The following FAM20A variants were observed in gnomAD, a reference collection of about 807,000 sequenced individuals.
FAM20A encodes the protein pseudokinase FAM20A.
FAM20A carries 42 observed loss-of-function variants against 52.0 expected under a neutral mutation model. The observed-to-expected ratio is 0.81, with a 90% CI of 0.63 to 1.04. FAM20A has a LOEUF of 1.04. Among genes scored for constraint, FAM20A ranks in the 50% least tolerant of loss-of-function variants. FAM20A has a pLI of 0.00. For missense variants in FAM20A, 742 were observed against 712.7 expected (o/e 1.04, Z -0.47); for synonymous variants, 304 against 298.9 (o/e 1.02, Z -0.18).
chr17:68,581,382 C>CT (rs778471317), intron 1 of FAM20A, among the ~76,000 whole-genome samples: 1 of 143,768 alleles, frequency 7.0e-6, no homozygotes, highest in African/African-American at 2.7e-5. Context: ...TTCTTTCTTT[C>CT]TTTCTTTCTT....
rs770972425 is a variant in FAM20A at position 68,548,192 on chromosome 17, G to A, written c.719+3681C>T. On this transcript the variant is annotated intron_variant, in intron 4 of 10. Coordinates refer to ENST00000592554, the MANE Select transcript of FAM20A (RefSeq NM_017565.4). ...GGCAATCACTTGAGGCCAGGAGATC[G>A]AGACCAGCCTGGCCAACACAGTGAA... Among the ~76,000 whole-genome samples, 56 of 152,250 alleles carry A rather than the reference G, an allele frequency of 3.7e-4. 1 individual carries two copies. Among genetic ancestry groups the A allele is most frequent in the Non-Finnish European group, 2.9e-4 (20 of 68,024 alleles).
At position 68,536,892 on chromosome 17, in the gene FAM20A, T is replaced by C. The variant is rs1410916247; in HGVS notation, c.*585A>G. 7 of 454,076 alleles carry C rather than the reference T, an allele frequency of 1.5e-5. No individual in the cohort carries two copies. In the East Asian group the frequency reaches 4.9e-4, roughly 32 times the overall value. The allele number at this position is 454,076 out of a possible 1,614,324, so 28.1% of individuals were successfully genotyped here. A position where few individuals can be genotyped will look rare whatever the true frequency, so the allele number is the denominator to read the frequency against. ...TATTTTTGCCACTTGTTATAATATC[T>C]CTAAGAAGTTACTCCAGGACCGGGC... On this transcript the variant is annotated 3_prime_UTR_variant, in exon 11 of 11. Coordinates refer to ENST00000592554, the MANE Select transcript of FAM20A (RefSeq NM_017565.4).
At chr17:68,545,022 A>G (rs1005343170) in intron 4 of FAM20A, among the ~76,000 whole-genome samples, 13 of 152,212 alleles carry the variant, frequency 8.5e-5, no homozygotes, top group African/African-American at 3.1e-4. Context: ...ATAAATCTTT[A>G]TGTTCCTAAT....
rs938056616 is a variant in FAM20A, at chr17:68,600,182, G to A, written c.404+81C>T. 3 of 1,475,492 alleles carry A rather than the reference G, an allele frequency of 2.0e-6. No individual in the cohort carries two copies. The highest frequency in any genetic ancestry group is 2.7e-6 in the Non-Finnish European group (3 of 1,099,398). 91.4% of individuals were successfully genotyped at this position (1,475,492 alleles called of 1,614,324 possible). The stretch of plus-strand genomic sequence containing the variant: ...GAGCCGCTGCAGCCCTGGGCCGGGG[G>A]CGTCAGGAAACTCGAGACTGGGGCG... On this transcript the variant is annotated intron_variant, in intron 1 of 10. Transcript: ENST00000592554. The surrounding 1 kb of genome is among the most constrained non-coding windows in gnomAD (Gnocchi z 6.2).
At chr17:68,543,258 G>A (rs1456667138) in intron 5 of FAM20A, among the ~76,000 whole-genome samples, 1 of 151,920 alleles carries the variant, frequency 6.6e-6, no homozygotes, top group Non-Finnish European at 1.5e-5. Context: ...GCAAATAGAG[G>A]GAGTGGAATG....
Position 68,543,707 on chromosome 17 carries a change from T to C in FAM20A, c.734A>G (p.Glu245Gly). 1 of 1,614,024 alleles carries C rather than the reference T, an allele frequency of 6.2e-7. No homozygotes were observed. The highest frequency in any genetic ancestry group is 1.1e-5 in the South Asian group (1 of 91,082). The change falls in exon 5 of 11, where the codon GAG becomes GGG. Residue 245 changes from glutamate to glycine, a missense_variant. By Grantham distance (98) the Glu-to-Gly change is moderately conservative. Coordinates refer to ENST00000592554, the MANE Select transcript of FAM20A (RefSeq NM_017565.4). ...MFKPMRQQRD[E>G]ETPVDFFYFI... is the part of the protein sequence containing the mutation. ...GTAGAAGAAGTCCACTGGTGTCTCCTCATCTCGCTGCTGTCTGGAAGGAAG... is the reference window on the plus strand; with the variant it reads ...GTAGAAGAAGTCCACTGGTGTCTCCCCATCTCGCTGCTGTCTGGAAGGAAG...
intron 1 of FAM20A, among the ~76,000 whole-genome samples, chr17:68,594,943 T>C (rs1254393966): frequency 6.6e-6 from 1 of 152,222 alleles, no homozygotes; most frequent in Non-Finnish European, 1.5e-5. Context: ...AATCCCTTTA[T>C]AGCAGTACCC....
intron 1 of FAM20A, among the ~76,000 whole-genome samples, chr17:68,573,535 CCTTT>C (rs1275335002): frequency 8.2e-5 from 12 of 145,684 alleles, no homozygotes; most frequent in South Asian, 2.2e-4. Flanking sequence ...TTCCTTCCTT[CCTTT>C]CTTTCCTTTC....
chr17:68,586,293 T>G (rs968270312), intron 1 of FAM20A, among the ~76,000 whole-genome samples: 1 of 152,118 alleles, frequency 6.6e-6, no homozygotes, highest in Non-Finnish European at 1.5e-5. Flanking sequence ...AAAGATTAAA[T>G]TTTTTTTACA....
chr17:68,594,353 C>T (rs4968902), intron 1 of FAM20A, among the ~76,000 whole-genome samples: 77,237 of 150,484 alleles, frequency 0.51, 20,115 homozygotes, highest in South Asian at 0.55. Flanking sequence ...GAGCCGAGAT[C>T]GCGCCACTGC....
intron 1 of FAM20A, among the ~76,000 whole-genome samples, chr17:68,596,516 G>A (rs1240355406): frequency 1.3e-5 from 2 of 152,228 alleles, no homozygotes; most frequent in African/African-American, 2.4e-5. Flanking sequence ...GTGGGCCAGA[G>A]AAGAAATCCA....
chr17:68,542,874 C>A, intron 5 of FAM20A, 65 bp from the exon 6 acceptor site: 2 of 1,298,768 alleles, frequency 1.5e-6, no homozygotes, highest in South Asian at 1.2e-5. Context: ...GGGGTTTTGT[C>A]CCCCGGCCAG....
Position 68,537,311 on chromosome 17 carries a change from A to G in FAM20A, c.*166T>C, listed in dbSNP as rs1444478511. 1.1e-6 allele frequency: 1 copy of G among 880,376 alleles called. No individual in the cohort carries two copies. Among genetic ancestry groups the G allele is most frequent in the Non-Finnish European group, 1.8e-6 (1 of 547,572 alleles). 54.5% of individuals were successfully genotyped at this position (880,376 alleles called of 1,614,324 possible). A position where few individuals can be genotyped will look rare whatever the true frequency, so the allele number is the denominator to read the frequency against. ...ACAGAAGCGGTGCACCAAGGAGTAA[A>G]GATTCAGTTCCATGGGCCCCACTTG... On this transcript the variant is annotated 3_prime_UTR_variant, in exon 11 of 11. Transcript: ENST00000592554. The surrounding 1 kb of genome is among the most constrained non-coding windows in gnomAD (Gnocchi z 4.2).
chr17:68,555,449 G>A lies in FAM20A; in HGVS notation c.589+110C>T, dbSNP rs2143708101. 4.3e-6 allele frequency: 5 copies of A among 1,156,666 alleles called. No individual in the cohort carries two copies. In the Admixed American group the frequency reaches 6.7e-5, roughly 16 times the overall value. 71.7% of individuals were successfully genotyped at this position (1,156,666 alleles called of 1,614,324 possible). A position where few individuals can be genotyped will look rare whatever the true frequency, so the allele number is the denominator to read the frequency against. On this transcript the variant is annotated intron_variant, in intron 2 of 10. Transcript: ENST00000592554. ...AATGCATATGTTCCTCTTCTCTCAG[G>A]TGTCCATGTCAAGCCTCTAATGTTC...
intron 4 of FAM20A, among the ~76,000 whole-genome samples, chr17:68,545,241 AC>A (rs2086494415): frequency 6.6e-6 from 1 of 152,234 alleles, no homozygotes; most frequent in Non-Finnish European, 1.5e-5. Context: ...TGGTCCTGTC[AC>A]TGAATGTTGG....
At chr17:68,555,891 G>T (rs185412282) in intron 1 of FAM20A, 148 bp from the exon 2 acceptor site, 282 of 1,006,608 alleles carry the variant, frequency 2.8e-4, no homozygotes, top group Middle Eastern at 1.2e-3. Context: ...CTGTGCTTAG[G>T]ATATCTTGGG....
intron 3 of FAM20A, among the ~76,000 whole-genome samples, chr17:68,553,936 ACATATATACACACATATATG>A (rs2086959411): frequency 1.5e-5 from 2 of 137,196 alleles, no homozygotes; most frequent in African/African-American, 3.4e-5. Context: ...ATGCATATAT[ACATATATACACACATATATG>A]CATATATACA....
At chr17:68,593,632 C>G (rs905427890) in intron 1 of FAM20A, among the ~76,000 whole-genome samples, 2 of 152,192 alleles carry the variant, frequency 1.3e-5, no homozygotes, top group African/African-American at 4.8e-5. Context: ...AGGCTATTTT[C>G]AAAGAAGATA....
At chr17:68,547,495 G>C (rs1192717543) in intron 4 of FAM20A, among the ~76,000 whole-genome samples, 4 of 152,180 alleles carry the variant, frequency 2.6e-5, no homozygotes, top group Admixed American at 1.3e-4. Flanking sequence ...AATGATCTTA[G>C]CTAGATCTTC....
Sources: allele counts gnomAD v4.1 joint callset (sites outside exome capture counted in the v4.1 genomes callset), GRCh38; gene constraint gnomAD v4.1.1; non-coding constraint Gnocchi (gnomAD v3.1); transcripts MANE v1.5; gene names NCBI Gene and HGNC (gene_info 2026-07-23, HGNC 2026-07-21).